ZNF804B: variants seen among roughly 807,000 people sequenced by gnomAD.
ZNF804B encodes the protein zinc finger protein 804B.
A neutral mutation model predicts 101.4 loss-of-function variants in ZNF804B; 80 were observed. That is an observed-to-expected ratio of 0.79 (90% CI 0.66 to 0.95). The LOEUF (loss-of-function observed/expected upper bound fraction) is 0.95. ZNF804B is among the 40% of genes least tolerant of loss of function. ZNF804B has a pLI of 0.00. For synonymous variants in ZNF804B, 622 were observed against 558.8 expected (o/e 1.11, Z -1.59); for missense variants, 1,673 against 1,561.9 (o/e 1.07, Z -1.20).
chr7:88,997,411 T>C (rs895303585), intron 1 of ZNF804B, among the ~76,000 whole-genome samples: 2 of 152,162 alleles, frequency 1.3e-5, no homozygotes, highest in South Asian at 2.1e-4. Flanking sequence ...CATGGAGTTT[T>C]ATTTAAACTA....
chr7:89,148,699 G>T lies in ZNF804B; in HGVS notation c.109-69456G>T, dbSNP rs548861720. 2.5e-3 allele frequency among the ~76,000 whole-genome samples: 386 copies of T among 151,938 alleles called. 1 individual carries two copies. The highest frequency in any genetic ancestry group is 4.1e-3 in the Non-Finnish European group (280 of 67,900). On this transcript the variant is annotated intron_variant, in intron 1 of 3. Transcript: ENST00000333190. ...GCTATTGAAATGTAGTCACTTAAGA[G>T]GTTTGTGAACAGAATTTTTAAAAAT... is the stretch of plus-strand genomic sequence containing the variant.
chr7:88,877,628 G>A (rs530771784), intron 1 of ZNF804B, among the ~76,000 whole-genome samples: 3 of 152,158 alleles, frequency 2.0e-5, no homozygotes, highest in African/African-American at 7.2e-5. Context: ...TCCCCACCCA[G>A]TTTCAGTCTT....
chr7:88,909,810 A>G (rs1792522579), intron 1 of ZNF804B, among the ~76,000 whole-genome samples: 2 of 151,104 alleles, frequency 1.3e-5, no homozygotes, highest in South Asian at 2.1e-4. Context: ...CTTGATTGCT[A>G]TTTACTTCCT....
At chr7:88,915,920 CAAAAGGTTTAGTTAAGTCATATTAATG>C (rs1422108749) in intron 1 of ZNF804B, among the ~76,000 whole-genome samples, 3 of 151,784 alleles carry the variant, frequency 2.0e-5, no homozygotes, top group Admixed American at 2.0e-4. Flanking sequence ...CCCTATACTA[CAAAAGGTTTAGTTAAGTCATATTAATG>C]AAAATAATTC....
At chr7:88,843,874 G>T (rs1001258321) in intron 1 of ZNF804B, among the ~76,000 whole-genome samples, 4 of 151,994 alleles carry the variant, frequency 2.6e-5, no homozygotes, top group African/African-American at 9.7e-5. Context: ...GATCCCTATT[G>T]ATGCCGTTCA....
chr7:89,275,459 A>G (rs1789966773), intron 2 of ZNF804B, among the ~76,000 whole-genome samples: 1 of 152,020 alleles, frequency 6.6e-6, no homozygotes, highest in Non-Finnish European at 1.5e-5. Context: ...ATGGATAATG[A>G]TCTGGTGCTT....
intron 1 of ZNF804B, among the ~76,000 whole-genome samples, chr7:89,054,705 C>CTTATTCAT (rs1399644188): frequency 6.6e-6 from 1 of 151,970 alleles, no homozygotes; most frequent in Non-Finnish European, 1.5e-5. Flanking sequence ...CTAGAGCACG[C>CTTATTCAT]TTATTCATTT....
chr7:89,244,974 G>A (rs931380611), intron 2 of ZNF804B, among the ~76,000 whole-genome samples: 62 of 152,160 alleles, frequency 4.1e-4, no homozygotes, highest in African/African-American at 1.4e-3. Context: ...TTTCCTAGAG[G>A]AATGACAAAT....
intron 1 of ZNF804B, among the ~76,000 whole-genome samples, chr7:89,156,251 T>C (rs1422153152): frequency 6.6e-6 from 1 of 151,878 alleles, no homozygotes; most frequent in Non-Finnish European, 1.5e-5. Flanking sequence ...GTAGCTGGGA[T>C]TACAGCCATG....
At position 89,268,163 on chromosome 7, in the gene ZNF804B, A is replaced by G. The variant is rs576563614; in HGVS notation, c.249+49868A>G. ...GTAATGACTACTTTTCTTTCTTCAT[A>G]GTACTTGATTACATTGTCTTTGACA... On this transcript the variant is annotated intron_variant, in intron 2 of 3. Coordinates refer to ENST00000333190, the MANE Select transcript of ZNF804B (RefSeq NM_181646.5). 3.3e-5 allele frequency among the ~76,000 whole-genome samples: 5 copies of G among 152,180 alleles called. No individual in the cohort carries two copies. In the South Asian group the frequency reaches 8.3e-4, roughly 25 times the overall value.
chr7:88,813,792 C>G (rs1052543188), intron 1 of ZNF804B, among the ~76,000 whole-genome samples: 12 of 152,142 alleles, frequency 7.9e-5, no homozygotes, highest in African/African-American at 2.9e-4. Context: ...TTCTTATCTA[C>G]AGGGTATTTT....
intron 2 of ZNF804B, among the ~76,000 whole-genome samples, chr7:89,230,895 G>C (rs1233449996): frequency 6.6e-6 from 1 of 151,916 alleles, no homozygotes; most frequent in Non-Finnish European, 1.5e-5. Flanking sequence ...ATCTTCTTTG[G>C]TGAAGTTTCT....
At chr7:88,927,017 G>A (rs929192722) in intron 1 of ZNF804B, among the ~76,000 whole-genome samples, 6 of 151,708 alleles carry the variant, frequency 4.0e-5, no homozygotes, top group East Asian at 4.0e-4. Context: ...GAGTGGCAGC[G>A]CATACATTTT....
chr7:88,848,865 G>A (rs1319907042), intron 1 of ZNF804B, among the ~76,000 whole-genome samples: 1 of 152,078 alleles, frequency 6.6e-6, no homozygotes, highest in Non-Finnish European at 1.5e-5. Flanking sequence ...CTAGTTGTTG[G>A]AAGTTTAGAT....
At chr7:89,282,328 T>C (rs1696759208) in intron 2 of ZNF804B, among the ~76,000 whole-genome samples, 1 of 151,998 alleles carries the variant, frequency 6.6e-6, no homozygotes, top group South Asian at 2.1e-4. Context: ...GTGCCTATGG[T>C]ATTGCAAATA....
intron 1 of ZNF804B, among the ~76,000 whole-genome samples, chr7:88,970,883 G>A (rs892268409): frequency 1.7e-4 from 25 of 150,400 alleles, no homozygotes; most frequent in African/African-American, 6.1e-4. Flanking sequence ...ACAAGTTAAT[G>A]GGTGCAGCAC....
intron 2 of ZNF804B, among the ~76,000 whole-genome samples, chr7:89,284,464 A>G (rs1310519831): frequency 6.6e-6 from 1 of 152,230 alleles, no homozygotes; most frequent in East Asian, 1.9e-4. Flanking sequence ...GACATGTACC[A>G]TAGATTGAGG....
At chr7:89,059,706 C>T (rs1249822192) in intron 1 of ZNF804B, among the ~76,000 whole-genome samples, 1 of 152,070 alleles carries the variant, frequency 6.6e-6, no homozygotes, top group Non-Finnish European at 1.5e-5. Flanking sequence ...TGTATGCATA[C>T]CAAGTTGACA....
intron 1 of ZNF804B, among the ~76,000 whole-genome samples, chr7:89,026,486 A>C: frequency 6.6e-6 from 1 of 152,180 alleles, no homozygotes; most frequent in East Asian, 1.9e-4. Flanking sequence ...GTAGAGAATA[A>C]ATTGAAGAAA....
Sources: allele counts gnomAD v4.1 joint callset (sites outside exome capture counted in the v4.1 genomes callset), GRCh38; gene constraint gnomAD v4.1.1; transcripts MANE v1.5; gene names NCBI Gene and HGNC (gene_info 2026-07-23, HGNC 2026-07-21).